Variants in ZNF385D observed in about 807,000 individuals in gnomAD.
ZNF385D encodes the protein zinc finger protein 385D, also known as zinc finger protein 659.
In ZNF385D, 15 loss-of-function variants were observed where a neutral mutation model predicts 35.8. That is an observed-to-expected ratio of 0.42 (90% CI 0.28 to 0.64). The LOEUF is 0.64. Ranked by LOEUF, ZNF385D falls within the 30% of genes least tolerant of loss-of-function variation. The pLI is 0.23. For missense variants in ZNF385D, 474 were observed against 494.6 expected, an observed-to-expected ratio of 0.96 and a Z score of 0.39; for synonymous variants, 212 against 186.8, an observed-to-expected ratio of 1.13 and a Z score of -1.10.
chr3:21,819,694 G>A (rs1028486597), intron 3 of ZNF385D, among the ~76,000 whole-genome samples: 17 of 142,992 alleles, frequency 1.2e-4, no homozygotes, highest in Non-Finnish European at 2.4e-4. Flanking sequence ...ATGTGTACGT[G>A]TGTATATATA....
chr3:21,556,068 G>GTTTTT (rs148079775), intron 3 of ZNF385D, among the ~76,000 whole-genome samples: 151 of 98,982 alleles, frequency 1.5e-3, no homozygotes, highest in African/African-American at 1.9e-3. Flanking sequence ...TTTTGTTTTT[G>GTTTTT]TTTTTTTTTT....
At chr3:21,794,744 C>G (rs1286048648) in intron 3 of ZNF385D, among the ~76,000 whole-genome samples, 1 of 152,134 alleles carries the variant, frequency 6.6e-6, no homozygotes, top group African/African-American at 2.4e-5. Flanking sequence ...GCTGCTGCTG[C>G]TTACACACCA....
chr3:21,636,387 T>C (rs935850512), intron 2 of ZNF385D, among the ~76,000 whole-genome samples: 3 of 36,108 alleles, frequency 8.3e-5, no homozygotes, highest in African/African-American at 3.9e-4. Context: ...ATTATATATA[T>C]ATATATATAT....
chr3:21,596,675 T>C (rs1018839554), intron 2 of ZNF385D, among the ~76,000 whole-genome samples: 1 of 151,286 alleles, frequency 6.6e-6, no homozygotes, highest in Non-Finnish European at 1.5e-5. Context: ...TTGGGGGTCT[T>C]ACTGTGTTGC....
chr3:21,522,620 G>A (rs948147567), intron 3 of ZNF385D, among the ~76,000 whole-genome samples: 2 of 152,232 alleles, frequency 1.3e-5, no homozygotes, highest in South Asian at 2.1e-4. Flanking sequence ...TTACAGATGT[G>A]AGCCACCATG....
intron 2 of ZNF385D, among the ~76,000 whole-genome samples, chr3:22,285,621 T>A (rs1204113305): frequency 3.3e-5 from 5 of 152,124 alleles, no homozygotes; most frequent in Non-Finnish European, 5.9e-5. Flanking sequence ...CATGTTGGTG[T>A]GCCGCACCCA....
At chr3:22,137,030 C>T (rs1007319141) in intron 3 of ZNF385D, among the ~76,000 whole-genome samples, 5 of 152,120 alleles carry the variant, frequency 3.3e-5, no homozygotes, top group African/African-American at 1.2e-4. Flanking sequence ...TTTGTCAAAG[C>T]CCATAGAATG....
At chr3:21,481,494 A>G (rs1251207047) in intron 4 of ZNF385D, among the ~76,000 whole-genome samples, 1 of 152,164 alleles carries the variant, frequency 6.6e-6, no homozygotes, top group Non-Finnish European at 1.5e-5. Flanking sequence ...CTGAGAATTC[A>G]TCGCCTCATG....
intron 3 of ZNF385D, among the ~76,000 whole-genome samples, chr3:21,777,209 T>C (rs1051875179): frequency 4.6e-5 from 7 of 152,008 alleles, no homozygotes; most frequent in Admixed American, 6.6e-5. Context: ...TTAAAATAAT[T>C]GCATTTTGAT....
intron 2 of ZNF385D, among the ~76,000 whole-genome samples, chr3:22,323,033 G>A (rs1575117853): frequency 6.6e-6 from 1 of 152,066 alleles, no homozygotes; most frequent in African/African-American, 2.4e-5. Context: ...ACGATAGAAA[G>A]CAGGCAATCT....
At chr3:21,497,499 C>T (rs972446705) in intron 4 of ZNF385D, among the ~76,000 whole-genome samples, 2 of 152,026 alleles carry the variant, frequency 1.3e-5, no homozygotes, top group Non-Finnish European at 2.9e-5. Flanking sequence ...CAATGCTATT[C>T]CTATCAAACT....
At chr3:21,834,988 G>C (rs111430876) in intron 3 of ZNF385D, among the ~76,000 whole-genome samples, 4 of 152,034 alleles carry the variant, frequency 2.6e-5, no homozygotes. Flanking sequence ...GTCTCAGGTA[G>C]TTCTTTATAA....
intron 3 of ZNF385D, among the ~76,000 whole-genome samples, chr3:21,964,422 AAAAAAAAAAAG>A (rs1357454831): frequency 9.1e-5 from 9 of 99,284 alleles, no homozygotes; most frequent in African/African-American, 2.5e-4. Context: ...TAAAAAAAAA[AAAAAAAAAAAG>A]AAAAAAAAAA....
intron 3 of ZNF385D, among the ~76,000 whole-genome samples, chr3:21,756,283 A>C (rs2070336398): frequency 6.6e-6 from 1 of 152,202 alleles, no homozygotes; most frequent in Non-Finnish European, 1.5e-5. Flanking sequence ...CTGGTAGGTT[A>C]GATAAGCAAT....
intron 1 of ZNF385D, among the ~76,000 whole-genome samples, chr3:21,685,178 G>A (rs1258227918): frequency 6.6e-6 from 1 of 152,100 alleles, no homozygotes; most frequent in Admixed American, 6.6e-5. Context: ...TTTTGTCTCA[G>A]CAAGAGAGAA....
At chr3:21,699,160 A>T (rs541261665) in intron 1 of ZNF385D, among the ~76,000 whole-genome samples, 32 of 152,304 alleles carry the variant, frequency 2.1e-4, no homozygotes, top group African/African-American at 7.0e-4. Context: ...ATGTAGCCAT[A>T]AAAAAGGATG....
intron 3 of ZNF385D, among the ~76,000 whole-genome samples, chr3:22,155,471 G>C (rs150885276): frequency 6.6e-6 from 1 of 152,024 alleles, no homozygotes; most frequent in Non-Finnish European, 1.5e-5. Flanking sequence ...AATAAAAACA[G>C]AATAGCAAGA....
chr3:22,124,923 G>A (rs1486787367), intron 3 of ZNF385D, among the ~76,000 whole-genome samples: 1 of 152,026 alleles, frequency 6.6e-6, no homozygotes, highest in African/African-American at 2.4e-5. Context: ...TTAATTTGAT[G>A]TGACCCCATT....
chr3:22,058,522 A>C (rs1405338179), intron 3 of ZNF385D, among the ~76,000 whole-genome samples: 2 of 152,142 alleles, frequency 1.3e-5, no homozygotes, highest in Non-Finnish European at 2.9e-5. Context: ...CCAACTCCTA[A>C]CTGGTCAAAG....
Sources: gnomAD v4.1 joint callset for allele counts (sites outside exome capture counted in the v4.1 genomes callset) on GRCh38, gnomAD v4.1.1 for gene constraint, MANE v1.5 for transcripts, NCBI Gene and HGNC (gene_info 2026-07-23, HGNC 2026-07-21) for gene names.